TMEM178B: variants seen among roughly 807,000 people sequenced by gnomAD.
TMEM178B encodes the protein transmembrane protein 178B.
A neutral mutation model predicts 31.0 loss-of-function variants in TMEM178B; 5 were observed. The observed-to-expected ratio is 0.16, with a 90% confidence interval of 0.08 to 0.34. The LOEUF (loss-of-function observed/expected upper bound fraction) is 0.34. Among genes scored for constraint, TMEM178B ranks in the 10% least tolerant of loss-of-function variants. The pLI is 1.00. For missense variants in TMEM178B, 275 were observed against 400.3 expected (o/e 0.69, Z 2.67); for synonymous variants, 164 against 164.0 (o/e 1.00, Z 0.00).
At chr7:141,321,693 A>G (rs1238168136) in intron 2 of TMEM178B, among the ~76,000 whole-genome samples, 1 of 152,274 alleles carries the variant, frequency 6.6e-6, no homozygotes, top group African/African-American at 2.4e-5. Context: ...TAATTGCCAT[A>G]TGACAAACCT....
intron 2 of TMEM178B, among the ~76,000 whole-genome samples, chr7:141,317,905 G>T (rs1799034466): frequency 1.3e-5 from 2 of 152,176 alleles, no homozygotes; most frequent in Non-Finnish European, 2.9e-5. Flanking sequence ...ATCAAAAGCT[G>T]CAGAATGTGA....
intron 2 of TMEM178B, among the ~76,000 whole-genome samples, chr7:141,264,883 T>C (rs1159759817): frequency 6.6e-6 from 1 of 152,226 alleles, no homozygotes; most frequent in Non-Finnish European, 1.5e-5. Context: ...ATGACTATTA[T>C]AATGATAAAT....
intron 1 of TMEM178B, among the ~76,000 whole-genome samples, chr7:141,164,695 A>G (rs1363878313): frequency 1.3e-5 from 2 of 152,222 alleles, no homozygotes; most frequent in Non-Finnish European, 2.9e-5. Flanking sequence ...GAAACCCCCA[A>G]ATAAGTGGCT....
At position 141,318,579 on chromosome 7, in the gene TMEM178B, T is replaced by A. The variant is rs1799045623; in HGVS notation, c.496+105875T>A. 6.6e-6 allele frequency among the ~76,000 whole-genome samples: 1 copy of A among 152,220 alleles called. No individual in the cohort carries two copies. Among genetic ancestry groups the A allele is most frequent in the South Asian group, 2.1e-4 (1 of 4,832 alleles). Reference sequence around the variant, plus strand: ...GATGTATTGGAGACTAAAATATTCCTCATCTCTTCAAACCCGTGCTGTGTT... The same window carrying A: ...GATGTATTGGAGACTAAAATATTCCACATCTCTTCAAACCCGTGCTGTGTT... On this transcript the variant is annotated intron_variant, in intron 2 of 3. Coordinates refer to ENST00000565468, the MANE Select transcript of TMEM178B (RefSeq NM_001195278.2). This position sits in a 1 kb window ranked among gnomAD's most constrained non-coding sequence, Gnocchi z 4.1.
chr7:141,319,457 C>T (rs1409663989), intron 2 of TMEM178B, among the ~76,000 whole-genome samples: 1 of 152,152 alleles, frequency 6.6e-6, no homozygotes, highest in Non-Finnish European at 1.5e-5. Context: ...GGCATTTTTT[C>T]ATGGTGGAAA....
At chr7:141,387,318 C>T (rs967164524) in intron 2 of TMEM178B, among the ~76,000 whole-genome samples, 3 of 152,126 alleles carry the variant, frequency 2.0e-5, no homozygotes, top group South Asian at 2.1e-4. Context: ...TTTACAGTAA[C>T]GCCATAATAC....
intron 3 of TMEM178B, among the ~76,000 whole-genome samples, chr7:141,468,776 T>C (rs556316463): frequency 2.0e-5 from 3 of 151,928 alleles, no homozygotes; most frequent in Non-Finnish European, 4.4e-5. Flanking sequence ...GAAAGGAGAA[T>C]AGCTCTCTCT....
At chr7:141,410,210 G>A (rs1433695989) in intron 2 of TMEM178B, among the ~76,000 whole-genome samples, 2 of 152,198 alleles carry the variant, frequency 1.3e-5, no homozygotes, top group African/African-American at 4.8e-5. Context: ...GACTTCAGCG[G>A]GGAGTCTGGG....
Position 141,076,560 on chromosome 7 carries a change from G to C in TMEM178B, c.382+1868G>C, listed in dbSNP as rs1054260042. On this transcript the variant is annotated intron_variant, in intron 1 of 3. Transcript: ENST00000565468. ...CAGAGCTTTGATTCCCTGTTGCTCT[G>C]CTTGGCAGTCTGACTAGAAAGGTTG... 2.7e-4 allele frequency among the ~76,000 whole-genome samples: 41 copies of C among 152,276 alleles called. 1 individual carries two copies. The highest frequency in any genetic ancestry group is 7.9e-4 in the African/African-American group (33 of 41,548).
chr7:141,362,674 TTTGCTGGCA>T (rs1433984723), intron 2 of TMEM178B, among the ~76,000 whole-genome samples: 1 of 152,188 alleles, frequency 6.6e-6, no homozygotes, highest in African/African-American at 2.4e-5. Flanking sequence ...GCATCATAAC[TTTGCTGGCA>T]TTCTGGCTGA....
At chr7:141,494,094 A>T in the TMEM178B span, among the ~76,000 whole-genome samples, 1 of 152,188 alleles carries the variant, frequency 6.6e-6, no homozygotes, top group African/African-American at 2.4e-5. Context: ...TATCTGTGAG[A>T]TTAAAACAAA....
At chr7:141,495,140 A>G in the TMEM178B span, among the ~76,000 whole-genome samples, 1 of 152,218 alleles carries the variant, frequency 6.6e-6, no homozygotes, top group South Asian at 2.1e-4. Context: ...CAGGGGACCA[A>G]CATGTCAAAT....
intron 1 of TMEM178B, among the ~76,000 whole-genome samples, chr7:141,109,156 TG>T (rs1481201937): frequency 2.0e-5 from 3 of 152,044 alleles, no homozygotes; most frequent in Admixed American, 6.6e-5. Flanking sequence ...GAGAGTTGGG[TG>T]GGGGACACAG....
chr7:141,342,322 C>T (rs183543315), intron 2 of TMEM178B, among the ~76,000 whole-genome samples: 94 of 152,286 alleles, frequency 6.2e-4, no homozygotes, highest in Admixed American at 1.5e-3. Context: ...CTAACCTTCC[C>T]GATGTGGATA....
intron 1 of TMEM178B, among the ~76,000 whole-genome samples, chr7:141,180,196 A>T (rs912120284): frequency 6.6e-6 from 1 of 152,162 alleles, no homozygotes; most frequent in Non-Finnish European, 1.5e-5. Context: ...TAAAGAAAAC[A>T]CAGGCCAGGC....
At chr7:141,193,311 C>T (rs899396831) in intron 1 of TMEM178B, among the ~76,000 whole-genome samples, 1 of 152,244 alleles carries the variant, frequency 6.6e-6, no homozygotes, top group Admixed American at 6.5e-5. Context: ...AGACAGCTGT[C>T]TGTCTTATCT....
chr7:141,192,027 T>G (rs1796705468), intron 1 of TMEM178B, among the ~76,000 whole-genome samples: 1 of 152,214 alleles, frequency 6.6e-6, no homozygotes, highest in Non-Finnish European at 1.5e-5. Context: ...GCCTTCAATT[T>G]TATCTTATTT....
intron 1 of TMEM178B, among the ~76,000 whole-genome samples, chr7:141,107,202 G>C (rs757112221): frequency 4.6e-5 from 7 of 152,254 alleles, no homozygotes; most frequent in Non-Finnish European, 1.0e-4. Context: ...ATGGAGTAGA[G>C]TGAGTGAGGG....
intron 2 of TMEM178B, among the ~76,000 whole-genome samples, chr7:141,363,200 A>G (rs116425150): frequency 6.6e-6 from 1 of 152,312 alleles, no homozygotes; most frequent in Non-Finnish European, 1.5e-5. Context: ...GTGACTTGTG[A>G]ATGGGACTGG....
Sources: allele counts gnomAD v4.1 joint callset (sites outside exome capture counted in the v4.1 genomes callset), GRCh38; gene constraint gnomAD v4.1.1; non-coding constraint Gnocchi (gnomAD v3.1); transcripts MANE v1.5; gene names NCBI Gene and HGNC (gene_info 2026-07-23, HGNC 2026-07-21).